Variants in SULT1C2 observed in about 807,000 individuals in gnomAD.
The protein encoded by SULT1C2 is sulfotransferase family 1C member 2.
In SULT1C2, 27 loss-of-function variants were observed where a neutral mutation model predicts 36.0. That is an observed-to-expected ratio of 0.75 (90% CI 0.55 to 1.03). The LOEUF (loss-of-function observed/expected upper bound fraction) is 1.03. SULT1C2 is among the 50% of genes least tolerant of loss of function. The pLI is 0.00. For missense variants in SULT1C2, 395 were observed against 359.2 expected (o/e 1.10, Z -0.80); for synonymous variants, 121 against 116.0 (o/e 1.04, Z -0.27).
intron 3 of SULT1C2, 166 bp from the exon 4 acceptor site, chr2:108,300,672 A>G: frequency 8.0e-7 from 1 of 1,248,198 alleles, no homozygotes; most frequent in Non-Finnish European, 1.1e-6. Context: ...GTGATTTTAC[A>G]AAAATGAAAA....
intron 3 of SULT1C2, 57 bp downstream of exon 3, chr2:108,294,411 T>C (rs1251954758): frequency 1.3e-6 from 2 of 1,583,872 alleles, no homozygotes; most frequent in Non-Finnish European, 1.7e-6. Context: ...TCTTCTGTTT[T>C]CCCCTGTCTT....
At chr2:108,296,301 A>G (rs1676725928) in intron 3 of SULT1C2, among the ~76,000 whole-genome samples, 1 of 152,226 alleles carries the variant, frequency 6.6e-6, no homozygotes, top group Non-Finnish European at 1.5e-5. Context: ...TGGTAATCAA[A>G]CGGCCAGCTT....
chr2:108,297,885 G>C (rs1191927062), intron 3 of SULT1C2, among the ~76,000 whole-genome samples: 1 of 152,174 alleles, frequency 6.6e-6, no homozygotes, highest in Non-Finnish European at 1.5e-5. Flanking sequence ...GTAGGAGTGG[G>C]CCTTCTTATT....
chr2:108,293,599 T>C (rs556456713), intron 1 of SULT1C2, 48 bp from the exon 2 acceptor site: 164 of 1,518,018 alleles, frequency 1.1e-4, no homozygotes, highest in Non-Finnish European at 1.4e-4. Context: ...ATGTTATGTA[T>C]ATTTTACCAC....
At chr2:108,304,948 T>C (rs1676983945) in intron 5 of SULT1C2, among the ~76,000 whole-genome samples, 1 of 152,208 alleles carries the variant, frequency 6.6e-6, no homozygotes, top group Non-Finnish European at 1.5e-5. Context: ...CCCTATGTGA[T>C]TGCACATAAT....
chr2:108,292,974 C>T (rs969676703), intron 1 of SULT1C2, among the ~76,000 whole-genome samples: 6 of 151,978 alleles, frequency 3.9e-5, no homozygotes, highest in Non-Finnish European at 5.9e-5. Context: ...AGGTCAGGAG[C>T]TCAAGACCAG....
rs764289690 is a variant in SULT1C2, at chr2:108,294,293, G to A, written c.216G>A (p.Gln72=). ...IEQNGDVEKC[Q]RAIIQHRHPF... is the part of the protein sequence containing the mutation. The stretch of plus-strand genomic sequence containing the variant: ...AGAATGGGGACGTGGAGAAGTGCCA[G>A]CGAGCCATCATCCAACACCGCCATC... The change falls in exon 3 of 8, where the codon CAG becomes CAA. Residue 72 remains glutamine, a synonymous_variant. Coordinates refer to ENST00000251481, the MANE Select transcript of SULT1C2 (RefSeq NM_001056.4). The A allele has an allele frequency of 2.5e-6, 4 of 1,614,032 alleles. No homozygotes were observed. Among genetic ancestry groups the A allele is most frequent in the African/African-American group, 2.7e-5 (2 of 74,924 alleles).
In SULT1C2 at chr2:108,300,849, GC is replaced by G. The variant is rs1558679720; in HGVS notation, c.291del (p.Ala99GlnfsTer8). On this transcript the variant is annotated frameshift_variant, in exon 4 of 8. Coordinates refer to ENST00000251481, the MANE Select transcript of SULT1C2 (RefSeq NM_001056.4). LOFTEE classifies it high-confidence loss of function. ...RPPQPSGVEK[A>X]KAMPSPRILK... ...GAGCTATTTTAAAGGTGTGGAAAAA[GC>G]CAAAGCAATGCCCTCTCCACGGATA... 1 of 1,614,122 alleles carries G rather than the reference GC, an allele frequency of 6.2e-7. No homozygotes were observed.
At position 108,293,821 on chromosome 2, in the gene SULT1C2, G is replaced by T; in HGVS notation, c.151+3G>T. On this transcript the variant is annotated splice_donor_region_variant and intron_variant, in intron 2 of 7. Transcript: ENST00000251481. ...CATCTGCACCTACCCTAAAGCAGGT[G>T]ATTGCAGGGTAGGAGGGACAGCAAA... The T allele has an allele frequency of 6.2e-7, 1 of 1,613,552 alleles. No homozygotes were observed. Among genetic ancestry groups the T allele is most frequent in the Non-Finnish European group, 8.5e-7 (1 of 1,179,826 alleles).
chr2:108,292,710 C>T (rs557522850), intron 1 of SULT1C2, among the ~76,000 whole-genome samples: 2 of 152,310 alleles, frequency 1.3e-5, no homozygotes, highest in South Asian at 4.1e-4. Context: ...GTGGAAGATG[C>T]TGTAACATTT....
chr2:108,289,679 G>A (rs765016461), intron 1 of SULT1C2, among the ~76,000 whole-genome samples: 7 of 152,194 alleles, frequency 4.6e-5, no homozygotes, highest in Non-Finnish European at 7.3e-5. Context: ...AAGGGGAAAT[G>A]TATGTGTCTA....
At chr2:108,308,318 G>A in intron 7 of SULT1C2, 34 bp from the exon 8 acceptor site, 1 of 1,576,348 alleles carries the variant, frequency 6.3e-7, no homozygotes, top group East Asian at 2.2e-5. Flanking sequence ...CTTTCAATCA[G>A]AGTGACACTC....
intron 3 of SULT1C2, among the ~76,000 whole-genome samples, chr2:108,296,945 C>G (rs1187115545): frequency 2.6e-5 from 4 of 152,154 alleles, no homozygotes; most frequent in Non-Finnish European, 5.9e-5. Flanking sequence ...CTTCCAGGCC[C>G]CCTTCTGCTC....
chr2:108,304,648 T>C lies in SULT1C2; in HGVS notation c.450T>C (p.Leu150=). 1 of 1,613,976 alleles carries C rather than the reference T, an allele frequency of 6.2e-7. No individual in the cohort carries two copies. The highest frequency in any genetic ancestry group is 8.5e-7 in the Non-Finnish European group (1 of 1,179,948). Reference sequence around the variant, plus strand: ...ATTTCCAAAGGATGAACCACATGCTTCCTGACCCTGGTACCTGGGAAGAGT... The same window carrying C: ...ATTTCCAAAGGATGAACCACATGCTCCCTGACCCTGGTACCTGGGAAGAGT... ...YYHFQRMNHM[L]PDPGTWEEYF... The change falls in exon 5 of 8, where the codon CTT becomes CTC. Residue 150 remains leucine (L), a synonymous_variant. Transcript: ENST00000251481.
At chr2:108,299,007 G>C (rs775645661) in intron 3 of SULT1C2, 1 of 152,856 alleles carries the variant, frequency 6.5e-6, no homozygotes, top group African/African-American at 2.4e-5. Context: ...ACCCAGAGGC[G>C]AGGCAAGGAA....
Position 108,309,466 on chromosome 2 carries a change from C to T in SULT1C2, c.*1002C>T, listed in dbSNP as rs1273473077. 6.6e-6 allele frequency: 1 copy of T among 152,212 alleles called. No homozygotes were observed. The allele number at this position is 152,212 out of a possible 1,614,324, so 9.4% of individuals were successfully genotyped here. A position where few individuals can be genotyped will look rare whatever the true frequency, so the allele number is the denominator to read the frequency against. The stretch of plus-strand genomic sequence containing the variant: ...AAAAAAGTGCATGGATAAATGACTG[C>T]AGCAAATCACAAATTTTGAACTTTG... On this transcript the variant is annotated 3_prime_UTR_variant, in exon 8 of 8. Coordinates refer to ENST00000251481, the MANE Select transcript of SULT1C2 (RefSeq NM_001056.4).
chr2:108,291,305 C>T (rs1415776919), intron 1 of SULT1C2, among the ~76,000 whole-genome samples: 3 of 152,134 alleles, frequency 2.0e-5, no homozygotes, highest in Non-Finnish European at 2.9e-5. Flanking sequence ...TCTTCTACAC[C>T]CTTGTCCACT....
At chr2:108,297,179 C>G (rs1676752411) in intron 3 of SULT1C2, among the ~76,000 whole-genome samples, 2 of 152,184 alleles carry the variant, frequency 1.3e-5, no homozygotes, top group Non-Finnish European at 2.9e-5. Context: ...TTCACACCTA[C>G]TTGCCCTCAA....
rs549878069 is a variant in SULT1C2, at chr2:108,301,560, C to G, written c.375+625C>G. The stretch of plus-strand genomic sequence containing the variant: ...CACGCCACTGCACTCCAGCCTGGGC[C>G]ACAGAGCGAGACTCCATCTCAAAAA... On this transcript the variant is annotated intron_variant, in intron 4 of 7. Transcript: ENST00000251481. 9.2e-5 allele frequency: 14 copies of G among 152,366 alleles called. No homozygotes were observed. The East Asian group carries it at 1.4e-3, about 15-fold the overall frequency. 9.4% of individuals were successfully genotyped at this position (152,366 alleles called of 1,614,324 possible). A position where few individuals can be genotyped will look rare whatever the true frequency, so the allele number is the denominator to read the frequency against.
Sources: gnomAD v4.1 joint callset for allele counts (sites outside exome capture counted in the v4.1 genomes callset) on GRCh38, gnomAD v4.1.1 for gene constraint, MANE v1.5 for transcripts, NCBI Gene and HGNC (gene_info 2026-07-23, HGNC 2026-07-21) for gene names.